The following ACAD8 variants were observed in gnomAD, a reference collection of about 807,000 sequenced individuals.
ACAD8 encodes acyl-CoA dehydrogenase family member 8, also known as isobutyryl-CoA dehydrogenase, mitochondrial.
ACAD8 carries 47 observed loss-of-function variants against 53.1 expected under a neutral mutation model. The observed-to-expected ratio is 0.89, with a 90% CI of 0.70 to 1.13. The LOEUF (loss-of-function observed/expected upper bound fraction) is 1.13, where lower values mean the gene tolerates loss of function less well. Among genes scored for constraint, ACAD8 ranks in the 50% most tolerant of loss-of-function variants. ACAD8 has a pLI of 0.00. For synonymous variants in ACAD8, 198 were observed against 201.3 expected (o/e 0.98, Z 0.14); for missense variants, 494 against 535.0 (o/e 0.92, Z 0.76).
chr11:134,259,402 T>C (rs944284147), intron 5 of ACAD8: 2 of 593,662 alleles, frequency 3.4e-6, no homozygotes, highest in East Asian at 2.7e-5. Flanking sequence ...TCTGTGCCAT[T>C]GGACCTTATT....
At chr11:134,262,942 C>A in intron 10 of ACAD8, 2 of 1,274,026 alleles carry the variant, frequency 1.6e-6, no homozygotes, top group Non-Finnish European at 1.0e-6. Context: ...CTAAGGTTAT[C>A]GAGTACGTGG....
Position 134,253,726 on chromosome 11 carries a change from G to T in ACAD8, c.109+17G>T, listed in dbSNP as rs779680811. On this transcript the variant is annotated intron_variant, in intron 1 of 10. Transcript: ENST00000281182. ...GCATCGACCGTAAGGATCTCCTGGC[G>T]GGCAGTAGGACAGGTGTCCAGAACC... is the stretch of plus-strand genomic sequence containing the variant. 1.3e-6 allele frequency: 2 copies of T among 1,577,266 alleles called. No homozygotes were observed. Among genetic ancestry groups the T allele is most frequent in the Non-Finnish European group, 1.7e-6 (2 of 1,162,512 alleles).
intron 6 of ACAD8, chr11:134,260,283 T>C: frequency 3.8e-6 from 3 of 789,510 alleles, no homozygotes; most frequent in Non-Finnish European, 4.8e-6. Flanking sequence ...AGGAGACTTG[T>C]GATCATGTAA....
rs953253379 is a variant in ACAD8, at chr11:134,256,757, T to A, written c.210+109T>A. ...TTAAATGTCTCCTCCACTTACCAAC[T>A]CTTACTGCAAGTGAGAATACCGGTA... On this transcript the variant is annotated intron_variant, in intron 2 of 10. Coordinates refer to ENST00000281182, the MANE Select transcript of ACAD8 (RefSeq NM_014384.3). The A allele has an allele frequency of 4.4e-5, 43 of 979,106 alleles. No homozygotes were observed. The African/African-American group carries it at 6.2e-4, about 14-fold the overall frequency. 60.7% of individuals were successfully genotyped at this position (979,106 alleles called of 1,614,324 possible). A position where few individuals can be genotyped will look rare whatever the true frequency, so the allele number is the denominator to read the frequency against.
In ACAD8 at chr11:134,259,705, A is replaced by G. The variant is rs1939764500; in HGVS notation, c.665A>G (p.Lys222Arg). The change falls in exon 6 of 11, where the codon AAG (lysine) becomes AGG (arginine). Residue 222 changes from lysine to arginine, a missense_variant. Coordinates refer to ENST00000281182, the MANE Select transcript of ACAD8 (RefSeq NM_014384.3). ...GGCATCTCATGCATAGTTGTTGAGA[A>G]GGGGACCCCTGGCCTCAGCTTTGGC... is the stretch of plus-strand genomic sequence containing the variant. ...PKGISCIVVE[K>R]GTPGLSFGKK... The G allele has an allele frequency of 6.2e-7, 1 of 1,614,108 alleles. No individual in the cohort carries two copies. Among genetic ancestry groups the G allele is most frequent in the African/African-American group, 1.3e-5 (1 of 74,936 alleles).
intron 3 of ACAD8, 32 bp downstream of exon 3, chr11:134,257,289 G>A: frequency 6.2e-7 from 1 of 1,612,748 alleles, no homozygotes; most frequent in Non-Finnish European, 8.5e-7. Flanking sequence ...GCACAATGAA[G>A]TGCTCACTCG....
At chr11:134,260,421 C>G (rs538823110) in intron 6 of ACAD8, 8 of 184,680 alleles carry the variant, frequency 4.3e-5, no homozygotes, top group African/African-American at 1.9e-4. Context: ...ATGAAATGAC[C>G]CCTAAGTGTA....
chr11:134,265,744 A>G lies in ACAD8; in HGVS notation c.*784A>G, dbSNP rs572912202. ...ACATTGATAAAATCTATCCTTCACC[A>G]CCTCTGGTTCTACTATAGTTGATTT... On this transcript the variant is annotated 3_prime_UTR_variant, in exon 11 of 11. Coordinates refer to ENST00000281182, the MANE Select transcript of ACAD8 (RefSeq NM_014384.3). The G allele has an allele frequency of 6.6e-6, 1 of 151,892 alleles. No homozygotes were observed. Among genetic ancestry groups the G allele is most frequent in the Non-Finnish European group, 1.5e-5 (1 of 67,964 alleles). The allele number at this position is 151,892 out of a possible 1,614,324, so 9.4% of individuals were successfully genotyped here.
intron 1 of ACAD8, among the ~76,000 whole-genome samples, chr11:134,255,719 T>C (rs966042638): frequency 2.6e-5 from 4 of 152,144 alleles, no homozygotes; most frequent in African/African-American, 9.7e-5. Context: ...TTAATGAGAG[T>C]ACTGATCACA....
chr11:134,263,545 G>A (rs1940027759), intron 10 of ACAD8: 1 of 985,390 alleles, frequency 1.0e-6, no homozygotes, highest in African/African-American at 1.7e-5. Context: ...CAGAGTCACA[G>A]GCTACCACAG....
chr11:134,265,794 T>A lies in ACAD8; in HGVS notation c.*834T>A, dbSNP rs540272192. 2 of 152,386 alleles carry A rather than the reference T, an allele frequency of 1.3e-5. No individual in the cohort carries two copies. The highest frequency in any genetic ancestry group is 3.9e-4 in the East Asian group (2 of 5,190). 9.4% of individuals were successfully genotyped at this position (152,386 alleles called of 1,614,324 possible). A position where few individuals can be genotyped will look rare whatever the true frequency, so the allele number is the denominator to read the frequency against. On this transcript the variant is annotated 3_prime_UTR_variant, in exon 11 of 11. Coordinates refer to ENST00000281182, the MANE Select transcript of ACAD8 (RefSeq NM_014384.3). ...TTTATTTTAAATGTTTAATTGTATT[T>A]GATTAAACACTTAACTGGATTTTGG...
In ACAD8 at chr11:134,256,619, G is replaced by A; in HGVS notation, c.181G>A (p.Ala61Thr). The change falls in exon 2 of 11, where the codon GCT (alanine) becomes ACT (threonine). Residue 61 changes from alanine (A) to threonine (T), a missense_variant. Coordinates refer to ENST00000281182, the MANE Select transcript of ACAD8 (RefSeq NM_014384.3). ...CTTTGACTTTGCTGCCCGAGAGATG[G>A]CTCCAAATATGGCAGAGTGGGACCA... ...VAFDFAAREM[A>T]PNMAEWDQKE... The A allele has an allele frequency of 6.2e-7, 1 of 1,614,206 alleles. No individual in the cohort carries two copies. Among genetic ancestry groups the A allele is most frequent in the Non-Finnish European group, 8.5e-7 (1 of 1,180,036 alleles).
At chr11:134,262,010 T>A in intron 9 of ACAD8, 120 bp downstream of exon 9, 1 of 1,240,330 alleles carries the variant, frequency 8.1e-7, no homozygotes, top group Non-Finnish European at 1.1e-6. Flanking sequence ...AGGATCACCT[T>A]AAGCTTAAGG....
Position 134,259,088 on chromosome 11 carries a change from C to T in ACAD8, c.567+4C>T. On this transcript the variant is annotated splice_donor_region_variant and intron_variant, in intron 5 of 10. Transcript: ENST00000281182. ...TTACATCCTCAATGGCTCCAAGGTA[C>T]TAGCGTGCGTCCTCCCAGAGCACTT... is the stretch of plus-strand genomic sequence containing the variant. The T allele has an allele frequency of 1.2e-6, 2 of 1,613,874 alleles. No homozygotes were observed. The highest frequency in any genetic ancestry group is 1.7e-6 in the Non-Finnish European group (2 of 1,179,748).
Position 134,253,637 on chromosome 11 carries a change from C to G in ACAD8, c.37C>G (p.Leu13Val), listed in dbSNP as rs774656588. The stretch of plus-strand genomic sequence containing the variant: ...CGGCTGCCGGCGTTTCGGGGCGCGC[C>G]TCGGCTGCCTGCCCGGCGGTCTCCG... ...WSGCRRFGAR[L>V]GCLPGGLRVL... is the part of the protein sequence containing the mutation. Residue 13 changes from leucine (L) to valine (V), a missense_variant, in exon 1 of 11, where the codon CTC (leucine) becomes GTC (valine). Leu to Val is a conservative substitution (Grantham distance 32). Transcript: ENST00000281182. The G allele has an allele frequency of 1.3e-5, 20 of 1,587,152 alleles. No homozygotes were observed. In the African/African-American group the frequency reaches 2.6e-4, roughly 20 times the overall value.
In ACAD8 at chr11:134,262,616, C is replaced by G. The variant is rs7483314; in HGVS notation, c.1189C>G (p.Leu397Val). The change falls in exon 10 of 11, where the codon CTA (leucine) becomes GTA (valine). Residue 397 changes from leucine to valine, a missense_variant. Physicochemically the swap from Leu to Val is conservative, Grantham distance 32 (BLOSUM62 1). Transcript: ENST00000281182. ...GCGGGACTCCAGGGTCCACCAGATTCTAGAAGGTAAAAATTGCCAGAGGTT... is the reference window on the plus strand; with the variant it reads ...GCGGGACTCCAGGGTCCACCAGATTGTAGAAGGTAAAAATTGCCAGAGGTT... The part of the protein sequence containing the change: ...YVRDSRVHQI[L>V]EGSNEVMRIL... 2.5e-6 allele frequency: 4 copies of G among 1,613,440 alleles called. No homozygotes were observed. The South Asian group carries it at 4.4e-5, about 18-fold the overall frequency.
At position 134,261,279 on chromosome 11, in the gene ACAD8, C is replaced by G. The variant is rs200330956; in HGVS notation, c.846C>G (p.Ser282=). ...GTCGGCGCTCTTCCCCTCTAGCTTC[C>G]TGCTCCCTGGGGGCTGCCCACGCCT... ...GLNGGRINIA[S]CSLGAAHASV... is the part of the protein sequence containing the mutation. The change falls in exon 8 of 11, where the codon TCC becomes TCG. Residue 282 remains serine, a synonymous_variant. Transcript: ENST00000281182. This position sits in a 1 kb window ranked among gnomAD's most constrained non-coding sequence, Gnocchi z 4.2. 4.8e-5 allele frequency: 78 copies of G among 1,614,074 alleles called. No individual in the cohort carries two copies. Among genetic ancestry groups the G allele is most frequent in the Admixed American group, 6.7e-5 (4 of 60,002 alleles).
At position 134,258,578 on chromosome 11, in the gene ACAD8, G is replaced by A. The variant is rs572820646; in HGVS notation, c.444G>A (p.Pro148=). Residue 148 remains proline (P), a synonymous_variant, in exon 4 of 11, where the codon CCG becomes CCA. Transcript: ENST00000281182. ...AACAGAGGCACAAATTTTGCCCACC[G>A]CTCTGTACCATGGAGAAGTTTGCTT... is the stretch of plus-strand genomic sequence containing the variant. ...NEEQRHKFCP[P]LCTMEKFASY... 16 of 1,613,938 alleles carry A rather than the reference G, an allele frequency of 9.9e-6. No individual in the cohort carries two copies. The highest frequency in any genetic ancestry group is 1.6e-4 in the Middle Eastern group (1 of 6,062).
intron 3 of ACAD8, 24 bp downstream of exon 3, chr11:134,257,281 A>G (rs1939592912): frequency 6.2e-7 from 1 of 1,613,756 alleles, no homozygotes; most frequent in East Asian, 2.2e-5. Flanking sequence ...CTTGGAAGGC[A>G]CAATGAAGTG....
Sources: allele counts gnomAD v4.1 joint callset (sites outside exome capture counted in the v4.1 genomes callset), GRCh38; gene constraint gnomAD v4.1.1; non-coding constraint Gnocchi (gnomAD v3.1); transcripts MANE v1.5; gene names NCBI Gene and HGNC (gene_info 2026-07-23, HGNC 2026-07-21).